POLN: variants seen among roughly 807,000 people sequenced by gnomAD.
POLN encodes DNA polymerase N.
Under a neutral mutation model 113.5 loss-of-function variants are expected in POLN, and 108 were observed. The ratio of observed to expected loss-of-function variants is 0.95; its 90% CI spans 0.81 to 1.12. The LOEUF (loss-of-function observed/expected upper bound fraction) is 1.12, where lower values mean the gene tolerates loss of function less well. Ranked by LOEUF, POLN falls within the 50% of genes most tolerant of loss-of-function variation. POLN has a pLI of 0.00. For missense variants in POLN, 1,097 were observed against 1,077.1 expected (o/e 1.02, Z -0.26); for synonymous variants, 386 against 391.5 (o/e 0.99, Z 0.17).
At chr4:2,152,953 G>C (rs897784782) in intron 16 of POLN, among the ~76,000 whole-genome samples, 2 of 152,226 alleles carry the variant, frequency 1.3e-5, no homozygotes, top group Non-Finnish European at 2.9e-5. Flanking sequence ...TCTGTACCCA[G>C]TACAGTAATT....
At chr4:2,184,602 C>A (rs1262232998) in intron 7 of POLN, among the ~76,000 whole-genome samples, 1 of 152,086 alleles carries the variant, frequency 6.6e-6, no homozygotes, top group African/African-American at 2.4e-5. Context: ...AGCCTGGTAA[C>A]AAAAGTCAAC....
At chr4:2,185,879 C>T (rs1462129032) in intron 7 of POLN, among the ~76,000 whole-genome samples, 2 of 152,058 alleles carry the variant, frequency 1.3e-5, no homozygotes, top group African/African-American at 4.8e-5. Flanking sequence ...ACTGACTAGA[C>T]AGCTAATAAT....
chr4:2,146,471 C>T (rs186337988), intron 16 of POLN, among the ~76,000 whole-genome samples: 3 of 152,344 alleles, frequency 2.0e-5, no homozygotes, highest in South Asian at 4.1e-4. Flanking sequence ...CGCCATTGCA[C>T]TCCACTTGGG....
rs1360518823 is a variant in POLN, at chr4:2,240,168, A to G, written c.-13+1352T>C. 3.1e-6 allele frequency: 5 copies of G among 1,613,868 alleles called. No homozygotes were observed. In the Admixed American group the frequency reaches 5.0e-5, roughly 16 times the overall value. ...TGCGAGCTGCAGTCTAGCCATCTCT[A>G]GTCGTCTCTCCTCAAGGATTTCTTG... On this transcript the variant is annotated intron_variant, in intron 2 of 25. Coordinates refer to ENST00000511885, the MANE Select transcript of POLN (RefSeq NM_181808.4).
In POLN at chr4:2,227,905, T is replaced by A. The variant is rs150214124; in HGVS notation, c.133+1194A>T. 31 of 152,330 alleles carry A rather than the reference T, an allele frequency of 2.0e-4. 1 individual carries two copies. The highest frequency in any genetic ancestry group is 7.5e-4 in the African/African-American group (31 of 41,570). The allele number at this position is 152,330 out of a possible 1,614,324, so 9.4% of individuals were successfully genotyped here. ...TATTATTCAAAAAAATATGGAATAA[T>A]GTGATTATGATAGTGTCTTACACTA... On this transcript the variant is annotated intron_variant, in intron 3 of 25. Coordinates refer to ENST00000511885, the MANE Select transcript of POLN (RefSeq NM_181808.4).
At position 2,080,971 on chromosome 4, in the gene POLN, T is replaced by G. The variant is rs1301275617; in HGVS notation, c.2374A>C (p.Thr792Pro). ...CCACCCACTGACCTGGCCGTCAAGG[T>G]GTGGGAAGCAGCCACTGCAGTGAAG... is the stretch of plus-strand genomic sequence containing the variant. ...HVFTAVAASH[T>P]LTARLVAQIH... Residue 792 changes from threonine (T) to proline (P), a missense_variant, in exon 23 of 26, where the codon ACC becomes CCC. By Grantham distance (38) the Thr-to-Pro change is conservative. Transcript: ENST00000511885. 1.9e-6 allele frequency: 3 copies of G among 1,613,602 alleles called. No homozygotes were observed. In the African/African-American group the frequency reaches 4.0e-5, roughly 22 times the overall value.
intron 23 of POLN, chr4:2,079,283 G>T (rs1339130015): frequency 4.4e-6 from 2 of 455,604 alleles, no homozygotes; most frequent in African/African-American, 2.1e-5. Flanking sequence ...CCACCATTTG[G>T]CTTTCAGTTC....
intron 3 of POLN, among the ~76,000 whole-genome samples, chr4:2,223,148 C>T (rs1479396582): frequency 6.6e-6 from 1 of 152,078 alleles, no homozygotes; most frequent in East Asian, 1.9e-4. Context: ...TGGGTTGGCA[C>T]AGATATATAC....
Position 2,192,642 on chromosome 4 carries a change from C to G in POLN, c.1021+562G>C, listed in dbSNP as rs550801700. Reference sequence around the variant, plus strand: ...TGTGACCCACTGTGCCCGGCCATGTCCATCCAGTTTTCAAAAAGTTATTAA... The same window carrying G: ...TGTGACCCACTGTGCCCGGCCATGTGCATCCAGTTTTCAAAAAGTTATTAA... On this transcript the variant is annotated intron_variant, in intron 7 of 25. Coordinates refer to ENST00000511885, the MANE Select transcript of POLN (RefSeq NM_181808.4). Among the ~76,000 whole-genome samples, 6 of 151,890 alleles carry G rather than the reference C, an allele frequency of 4.0e-5. No homozygotes were observed. In the South Asian group the frequency reaches 1.3e-3, roughly 32 times the overall value.
intron 19 of POLN, among the ~76,000 whole-genome samples, chr4:2,122,631 T>A (rs1230786749): frequency 5.3e-5 from 8 of 152,104 alleles, no homozygotes; most frequent in Admixed American, 5.2e-4. Context: ...CACACACCTG[T>A]GGGAATGTAA....
At chr4:2,114,227 C>T (rs1283552430) in intron 19 of POLN, among the ~76,000 whole-genome samples, 2 of 151,678 alleles carry the variant, frequency 1.3e-5, no homozygotes, top group Admixed American at 6.6e-5. Flanking sequence ...TAATTCAGAA[C>T]TATATATAAA....
At chr4:2,207,937 CT>C in intron 5 of POLN, 49 bp downstream of exon 5, 1 of 1,511,456 alleles carries the variant, frequency 6.6e-7, no homozygotes, top group Non-Finnish European at 8.8e-7. Context: ...AGAAAATGGG[CT>C]TCTTTTATGG....
At chr4:2,223,438 T>G (rs1734310448) in intron 3 of POLN, among the ~76,000 whole-genome samples, 1 of 152,166 alleles carries the variant, frequency 6.6e-6, no homozygotes, top group African/African-American at 2.4e-5. Flanking sequence ...GATAATAGGT[T>G]GCGAGCTCCT....
chr4:2,088,803 G>T (rs1479097418), intron 20 of POLN: 15 of 1,383,050 alleles, frequency 1.1e-5, no homozygotes, highest in Non-Finnish European at 1.3e-5. Context: ...GCTACAAGAG[G>T]ACTTATTTCT....
chr4:2,093,529 A>C lies in POLN; in HGVS notation c.2065+2322T>G, dbSNP rs1020589756. Reference sequence around the variant, plus strand: ...GCTGATAGGGTTGGGGATCAAGCCCAGGCTGCCGGGCCCAGGACTGGGGAG... The same window carrying C: ...GCTGATAGGGTTGGGGATCAAGCCCCGGCTGCCGGGCCCAGGACTGGGGAG... On this transcript the variant is annotated intron_variant, in intron 20 of 25. Transcript: ENST00000511885. The surrounding 1 kb of genome is among the most constrained non-coding windows in gnomAD (Gnocchi z 4.1). Among the ~76,000 whole-genome samples the C allele has an allele frequency of 7.2e-5, 11 of 152,242 alleles. No individual in the cohort carries two copies. The highest frequency in any genetic ancestry group is 2.7e-4 in the African/African-American group (11 of 41,468).
chr4:2,162,468 T>C (rs547154309), intron 13 of POLN, among the ~76,000 whole-genome samples: 1 of 152,298 alleles, frequency 6.6e-6, no homozygotes, highest in Admixed American at 6.5e-5. Context: ...GGTCTGCGGC[T>C]TCATTCTTGA....
intron 7 of POLN, among the ~76,000 whole-genome samples, chr4:2,192,678 CTA>C (rs1306401964): frequency 1.3e-5 from 2 of 151,654 alleles, no homozygotes; most frequent in Admixed American, 1.3e-4. Context: ...AAAAACTTTA[CTA>C]TTTTAGGCCC....
At chr4:2,215,285 C>T (rs561069993) in intron 3 of POLN, among the ~76,000 whole-genome samples, 44 of 152,246 alleles carry the variant, frequency 2.9e-4, no homozygotes, top group African/African-American at 1.1e-3. Context: ...AAGATGATGA[C>T]CTCATTTTTA....
At chr4:2,198,388 G>A (rs374949139) in intron 6 of POLN, 136 bp downstream of exon 6, 28 of 656,962 alleles carry the variant, frequency 4.3e-5, no homozygotes, top group Middle Eastern at 4.5e-4. Context: ...TCTATCACTT[G>A]GATCCATTTT....
Sources: allele counts gnomAD v4.1 joint callset (sites outside exome capture counted in the v4.1 genomes callset), GRCh38; gene constraint gnomAD v4.1.1; non-coding constraint Gnocchi (gnomAD v3.1); transcripts MANE v1.5; gene names NCBI Gene and HGNC (gene_info 2026-07-23, HGNC 2026-07-21).